Variants in BACC1 observed in about 807,000 individuals in gnomAD.
The protein encoded by BACC1 is BPTF-associated chromatin complex component 1.
chr17:7,016,978 G>C, the BACC1 span: 4 of 1,613,904 alleles, frequency 2.5e-6, no homozygotes, highest in African/African-American at 5.3e-5. Context: ...AGGGCTAGGA[G>C]AAACTCCTCC....
chr17:7,016,569 A>G, the BACC1 span: 1 of 1,614,192 alleles, frequency 6.2e-7, no homozygotes, highest in South Asian at 1.1e-5. Flanking sequence ...GAGTCACCCA[A>G]GAAAGGGCCC....
the BACC1 span, chr17:7,016,772 GTC>G: frequency 1.3e-6 from 2 of 1,535,246 alleles, no homozygotes; most frequent in African/African-American, 1.4e-5. Flanking sequence ...AGAAGGGTCA[GTC>G]TCTCTTCCTG....
the BACC1 span, chr17:7,017,063 G>A: frequency 1.2e-5 from 19 of 1,570,018 alleles, no homozygotes; most frequent in Non-Finnish European, 1.5e-5. Context: ...GGGAGAAAGG[G>A]CTCACCTGGA....
chr17:7,014,848 G>A, the BACC1 span: 16 of 1,532,746 alleles, frequency 1.0e-5, no homozygotes, highest in South Asian at 1.7e-4. The surrounding 1 kb of genome is among the most constrained non-coding windows in gnomAD (Gnocchi z 4.5). Flanking sequence ...GTGAGGAGGC[G>A]CGCGGGGCCA....
chr17:7,017,431 G>C, the BACC1 span: 4 of 1,005,648 alleles, frequency 4.0e-6, no homozygotes, highest in African/African-American at 6.3e-5. Context: ...CTGCCACCTC[G>C]CTATTCCCGC....
the BACC1 span, chr17:7,017,130 A>G: frequency 2.0e-6 from 3 of 1,532,430 alleles, no homozygotes; most frequent in East Asian, 6.8e-5. Flanking sequence ...TCAGAAGAGA[A>G]GGTGCTCTCA....
the BACC1 span, chr17:7,014,803 C>T: frequency 2.6e-6 from 4 of 1,522,442 alleles, no homozygotes; most frequent in Non-Finnish European, 3.5e-6. This position sits in a 1 kb window ranked among gnomAD's most constrained non-coding sequence, Gnocchi z 4.5. Context: ...TCTCCGTGGT[C>T]CCGGCTCGCG....
the BACC1 span, chr17:7,016,858 GGGGGAGAGGCTGTCA>G: frequency 6.4e-7 from 1 of 1,563,180 alleles, no homozygotes; most frequent in Middle Eastern, 1.7e-4. Context: ...GCTTGGGGCT[GGGGGAGAGGCTGTCA>G]GGGGAACCTA....
At chr17:7,016,351 C>T in the BACC1 span, 6 of 808,622 alleles carry the variant, frequency 7.4e-6, 1 homozygote, top group East Asian at 4.9e-5. Flanking sequence ...TGTAAAACTT[C>T]GAGAAAGTGA....
chr17:7,015,758 T>C, the BACC1 span: 3 of 1,594,472 alleles, frequency 1.9e-6, no homozygotes, highest in Non-Finnish European at 8.6e-7. Flanking sequence ...CTATCCCCCC[T>C]CTCCCCTTCT....
At chr17:7,016,953 C>T in the BACC1 span, 22 of 1,614,048 alleles carry the variant, frequency 1.4e-5, no homozygotes, top group South Asian at 4.4e-5. Flanking sequence ...CCAACAGTGA[C>T]GTGGTGGATA....
chr17:7,016,427 C>T, the BACC1 span: 2 of 1,540,458 alleles, frequency 1.3e-6, no homozygotes, highest in African/African-American at 1.4e-5. Flanking sequence ...AACCCCTTCC[C>T]CTCCCGTCCC....
chr17:7,016,200 T>A, the BACC1 span: 3 of 521,690 alleles, frequency 5.8e-6, no homozygotes, highest in Admixed American at 3.7e-5. Flanking sequence ...GACCCTGAAC[T>A]AGTTGATCAG....
the BACC1 span, chr17:7,016,954 G>A: frequency 1.3e-5 from 21 of 1,614,002 alleles, no homozygotes; most frequent in African/African-American, 5.3e-5. Flanking sequence ...CAACAGTGAC[G>A]TGGTGGATAT....
chr17:7,017,153 G>T, the BACC1 span: 1 of 1,563,978 alleles, frequency 6.4e-7, no homozygotes, highest in Non-Finnish European at 8.8e-7. Flanking sequence ...CACAGCGCAG[G>T]GCATTGGATC....
the BACC1 span, chr17:7,017,507 A>C: frequency 1.7e-5 from 12 of 716,580 alleles, no homozygotes; most frequent in South Asian, 1.8e-4. Flanking sequence ...AAAACAATAA[A>C]GATTTCCCTC....
chr17:7,016,037 G>A, the BACC1 span: 1 of 622,042 alleles, frequency 1.6e-6, no homozygotes, highest in South Asian at 2.0e-5. Context: ...AATTGTCACA[G>A]TTGGTCAGAA....
chr17:7,014,810 C>T, the BACC1 span: 3 of 1,524,030 alleles, frequency 2.0e-6, no homozygotes, highest in African/African-American at 2.9e-5. The surrounding 1 kb of genome is among the most constrained non-coding windows in gnomAD (Gnocchi z 4.5). Context: ...GGTCCCGGCT[C>T]GCGTGTAGCG....
the BACC1 span, chr17:7,017,267 C>G: frequency 6.2e-7 from 1 of 1,614,054 alleles, no homozygotes; most frequent in South Asian, 1.1e-5. Flanking sequence ...ACAGCCTGAC[C>G]CTGGATTCTG....
Sources: gnomAD v4.1 joint callset for allele counts on GRCh38, gnomAD v4.1.1 for gene constraint, Gnocchi (gnomAD v3.1) non-coding constraint, MANE v1.5 for transcripts, NCBI Gene and HGNC (gene_info 2026-07-23, HGNC 2026-07-21) for gene names.